The following CDH12 variants were observed in gnomAD, a reference collection of about 807,000 sequenced individuals.
CDH12 encodes cadherin 12.
In CDH12, 41 loss-of-function variants were observed where a neutral mutation model predicts 74.1. That is an observed-to-expected ratio of 0.55 (90% CI 0.43 to 0.72). CDH12 has a LOEUF of 0.72. Among genes scored for constraint, CDH12 ranks in the 30% least tolerant of loss-of-function variants. The probability of loss-of-function intolerance (pLI) is 0.00; values close to 1 mark genes in which losing one functional copy is unlikely to be tolerated. For missense variants in CDH12, 945 were observed against 977.2 expected (o/e 0.97, Z 0.44); for synonymous variants, 399 against 355.0 (o/e 1.12, Z -1.39).
At chr5:22,408,367 CTG>C (rs1743026937) in intron 2 of CDH12, among the ~76,000 whole-genome samples, 1 of 151,244 alleles carries the variant, frequency 6.6e-6, no homozygotes, top group African/African-American at 2.4e-5. Flanking sequence ...TCCTCGGTCT[CTG>C]TCCTTTTTTT....
chr5:21,784,495 G>C (rs1354305289), intron 10 of CDH12, among the ~76,000 whole-genome samples: 1 of 152,138 alleles, frequency 6.6e-6, no homozygotes, highest in Non-Finnish European at 1.5e-5. Context: ...ATTGATGTTT[G>C]AACCAGGTCA....
chr5:22,715,305 ATTAG>A (rs1259442358), intron 1 of CDH12, among the ~76,000 whole-genome samples: 2 of 152,240 alleles, frequency 1.3e-5, no homozygotes, highest in Non-Finnish European at 2.9e-5. Context: ...ATAATTTGAT[ATTAG>A]TTATTCAGCT....
chr5:21,944,879 A>C (rs1324336333), intron 6 of CDH12, among the ~76,000 whole-genome samples: 1 of 152,154 alleles, frequency 6.6e-6, no homozygotes, highest in Non-Finnish European at 1.5e-5. Flanking sequence ...GTCTACAAGA[A>C]GGAAGTATAA....
At chr5:22,467,403 C>A (rs747655769) in intron 2 of CDH12, among the ~76,000 whole-genome samples, 6 of 152,164 alleles carry the variant, frequency 3.9e-5, no homozygotes, top group Non-Finnish European at 8.8e-5. Flanking sequence ...ATGTTCCTTC[C>A]AATGGACTTC....
At chr5:21,961,929 C>T (rs529002606) in intron 6 of CDH12, among the ~76,000 whole-genome samples, 53 of 152,258 alleles carry the variant, frequency 3.5e-4, no homozygotes, top group African/African-American at 1.1e-3. Flanking sequence ...TACCATGTTA[C>T]TATTTGCCTA....
At chr5:22,132,595 G>T (rs1477189190) in intron 4 of CDH12, among the ~76,000 whole-genome samples, 1 of 151,908 alleles carries the variant, frequency 6.6e-6, no homozygotes, top group Admixed American at 6.6e-5. Context: ...GGGAGTAGTT[G>T]TTTAGACAAC....
intron 10 of CDH12, among the ~76,000 whole-genome samples, chr5:21,790,598 C>T (rs567095636): frequency 3.2e-4 from 48 of 152,026 alleles, no homozygotes; most frequent in South Asian, 6.2e-4. Context: ...TCCTTATGTT[C>T]TATAAAATTT....
At chr5:22,822,227 T>C (rs369611810) in intron 1 of CDH12, among the ~76,000 whole-genome samples, 1 of 152,082 alleles carries the variant, frequency 6.6e-6, no homozygotes, top group Non-Finnish European at 1.5e-5. Context: ...ATACAAAAAT[T>C]AATTCAAGAT....
intron 3 of CDH12, among the ~76,000 whole-genome samples, chr5:22,282,605 G>C (rs1041941098): frequency 3.3e-5 from 5 of 152,122 alleles, no homozygotes; most frequent in African/African-American, 1.2e-4. Context: ...CTTCTCAAAA[G>C]AAGACATTTA....
At chr5:22,319,818 G>A (rs953214839) in intron 3 of CDH12, among the ~76,000 whole-genome samples, 3 of 151,800 alleles carry the variant, frequency 2.0e-5, no homozygotes, top group Non-Finnish European at 4.4e-5. Flanking sequence ...AGAGGGAGGG[G>A]GAGTGAGAGA....
chr5:22,119,130 G>A (rs910174793), intron 4 of CDH12, among the ~76,000 whole-genome samples: 19 of 152,158 alleles, frequency 1.2e-4, no homozygotes, highest in African/African-American at 2.6e-4. Flanking sequence ...TGCAGATTTC[G>A]TTGTCAGGAG....
intron 3 of CDH12, among the ~76,000 whole-genome samples, chr5:22,257,433 TG>T (rs1276014119): frequency 3.9e-5 from 6 of 151,940 alleles, no homozygotes; most frequent in African/African-American, 9.7e-5. Context: ...ACAATGTGTT[TG>T]TTTTTTTAAC....
rs150507577 is a variant in CDH12, at chr5:22,278,277, A to G, written c.-332-65634T>C. Among the ~76,000 whole-genome samples, 151 of 152,340 alleles carry G rather than the reference A, an allele frequency of 9.9e-4. 2 individuals are homozygous for G. The East Asian group carries it at 0.027, about 27-fold the overall frequency. ...AACGAAAATGCTGGTGTGACATTTAAGATCTGAGGTTTGTTGATTTTGCCA... is the reference window on the plus strand; with the variant it reads ...AACGAAAATGCTGGTGTGACATTTAGGATCTGAGGTTTGTTGATTTTGCCA... On this transcript the variant is annotated intron_variant, in intron 3 of 14. Transcript: ENST00000382254.
intron 1 of CDH12, among the ~76,000 whole-genome samples, chr5:22,672,494 G>A (rs1359874827): frequency 6.6e-6 from 1 of 152,068 alleles, no homozygotes; most frequent in African/African-American, 2.4e-5. Context: ...TTTACGATAA[G>A]AGGATGAATC....
intron 2 of CDH12, among the ~76,000 whole-genome samples, chr5:22,429,582 A>G (rs1026619668): frequency 6.6e-6 from 1 of 152,124 alleles, no homozygotes; most frequent in African/African-American, 2.4e-5. Flanking sequence ...GCACCATCCT[A>G]TCATTTCCAT....
At chr5:22,566,249 T>G (rs1417564612) in intron 1 of CDH12, among the ~76,000 whole-genome samples, 2 of 151,468 alleles carry the variant, frequency 1.3e-5, no homozygotes, top group Non-Finnish European at 2.9e-5. Flanking sequence ...TTCTTTTTTT[T>G]TTTTTTGAGA....
intron 4 of CDH12, among the ~76,000 whole-genome samples, chr5:22,168,918 A>G (rs1358449929): frequency 2.7e-5 from 4 of 148,614 alleles, no homozygotes; most frequent in Non-Finnish European, 4.5e-5. Flanking sequence ...CCCCTTGACA[A>G]TAACTACGCT....
At chr5:22,783,802 T>G (rs777746954) in intron 1 of CDH12, among the ~76,000 whole-genome samples, 64 of 152,152 alleles carry the variant, frequency 4.2e-4, no homozygotes, top group Non-Finnish European at 6.9e-4. Flanking sequence ...TACCACAATT[T>G]GACAATGAGT....
At chr5:22,443,399 C>T (rs1214663454) in intron 2 of CDH12, among the ~76,000 whole-genome samples, 2 of 152,082 alleles carry the variant, frequency 1.3e-5, no homozygotes, top group African/African-American at 2.4e-5. Flanking sequence ...AACCCTTAAA[C>T]TATCATGAAA....
Sources: gnomAD v4.1 joint callset for allele counts (sites outside exome capture counted in the v4.1 genomes callset) on GRCh38, gnomAD v4.1.1 for gene constraint, MANE v1.5 for transcripts, NCBI Gene and HGNC (gene_info 2026-07-23, HGNC 2026-07-21) for gene names.